The following GRAMD2B variants were observed in gnomAD, a reference collection of about 807,000 sequenced individuals.
The protein encoded by GRAMD2B is GRAM domain-containing protein 2B.
A neutral mutation model predicts 59.2 loss-of-function variants in GRAMD2B; 41 were observed. The ratio of observed to expected loss-of-function variants is 0.69; its 90% confidence interval spans 0.54 to 0.90. The LOEUF is 0.90. GRAMD2B is among the 40% of genes least tolerant of loss of function. The pLI is 0.00. For missense variants in GRAMD2B, 424 were observed against 500.5 expected, an observed-to-expected ratio of 0.85 and a Z score of 1.46; for synonymous variants, 161 against 182.7, an observed-to-expected ratio of 0.88 and a Z score of 0.96.
At chr5:126,453,331 T>C (rs1765700198) in intron 1 of GRAMD2B, among the ~76,000 whole-genome samples, 1 of 127,900 alleles carries the variant, frequency 7.8e-6, no homozygotes, top group African/African-American at 3.0e-5. Context: ...CAAGACTCCA[T>C]CTTCTCCATC....
At chr5:126,491,068 T>A (rs1773839168) in intron 13 of GRAMD2B, among the ~76,000 whole-genome samples, 1 of 152,184 alleles carries the variant, frequency 6.6e-6, no homozygotes, top group Non-Finnish European at 1.5e-5. Context: ...TGTATTTTCC[T>A]AATTATTACT....
chr5:126,414,154 A>C (rs965961563), intron 1 of GRAMD2B, among the ~76,000 whole-genome samples: 1 of 152,172 alleles, frequency 6.6e-6, no homozygotes, highest in Non-Finnish European at 1.5e-5. Context: ...CTAAGAAGCC[A>C]GGAATCAAGA....
chr5:126,492,695 T>G (rs573761509), intron 13 of GRAMD2B, among the ~76,000 whole-genome samples: 82 of 152,282 alleles, frequency 5.4e-4, no homozygotes, highest in African/African-American at 1.9e-3. Flanking sequence ...CATTCCAGCC[T>G]GGGTGACAGA....
intron 10 of GRAMD2B, among the ~76,000 whole-genome samples, chr5:126,485,319 C>T (rs1256400856): frequency 6.6e-6 from 1 of 152,126 alleles, no homozygotes; most frequent in African/African-American, 2.4e-5. Context: ...CCACTGTCAC[C>T]TGGGCAACAG....
chr5:126,390,447 A>T (rs1580751442), intron 1 of GRAMD2B, among the ~76,000 whole-genome samples: 1 of 152,360 alleles, frequency 6.6e-6, no homozygotes, highest in East Asian at 1.9e-4. Flanking sequence ...GATAAATAAT[A>T]ATCACACATC....
At chr5:126,457,866 T>C (rs1048190671) in intron 1 of GRAMD2B, among the ~76,000 whole-genome samples, 1 of 152,076 alleles carries the variant, frequency 6.6e-6, no homozygotes, top group African/African-American at 2.4e-5. Flanking sequence ...TGCAAGGATT[T>C]GGACTCTGAA....
At chr5:126,403,999 G>A (rs1350962320) in intron 1 of GRAMD2B, among the ~76,000 whole-genome samples, 4 of 151,850 alleles carry the variant, frequency 2.6e-5, no homozygotes, top group Non-Finnish European at 5.9e-5. Context: ...TGCCAAAAAA[G>A]GATGGAATGC....
At chr5:126,434,537 A>AGAT (rs1040108261) in intron 1 of GRAMD2B, among the ~76,000 whole-genome samples, 3 of 142,200 alleles carry the variant, frequency 2.1e-5, no homozygotes, top group African/African-American at 9.0e-5. Context: ...TTTTTTTTTG[A>AGAT]GATGGAGTCT....
chr5:126,397,977 A>G (rs1381073492), intron 1 of GRAMD2B, among the ~76,000 whole-genome samples: 3 of 146,388 alleles, frequency 2.0e-5, no homozygotes, highest in Admixed American at 2.0e-4. Context: ...AGAATTACCT[A>G]TGAAGTCATT....
intron 1 of GRAMD2B, chr5:126,464,998 AT>A (rs2126779421): frequency 1.1e-6 from 1 of 945,008 alleles, no homozygotes; most frequent in African/African-American, 1.8e-5. Context: ...TGTAAGTGAC[AT>A]AAGAGAAATG....
At chr5:126,408,419 A>G (rs1053759792) in intron 1 of GRAMD2B, among the ~76,000 whole-genome samples, 5 of 151,882 alleles carry the variant, frequency 3.3e-5, no homozygotes, top group East Asian at 3.9e-4. Flanking sequence ...ATACAAGTGC[A>G]TGTGTCTTTT....
intron 11 of GRAMD2B, among the ~76,000 whole-genome samples, chr5:126,486,515 G>A (rs1000116602): frequency 1.3e-5 from 2 of 152,182 alleles, no homozygotes; most frequent in East Asian, 1.9e-4. Flanking sequence ...ATAAAGGAGG[G>A]AGTCACCAGA....
At chr5:126,366,321 T>C (rs1754435279), upstream of GRAMD2B, among the ~76,000 whole-genome samples, 1 of 152,236 alleles carries the variant, frequency 6.6e-6, no homozygotes. Flanking sequence ...AGACTGTCAA[T>C]GCTTGCCCTC....
At chr5:126,435,947 C>A (rs538202746) in intron 1 of GRAMD2B, among the ~76,000 whole-genome samples, 38 of 152,292 alleles carry the variant, frequency 2.5e-4, no homozygotes, top group African/African-American at 8.9e-4. Flanking sequence ...ATCAGACAAC[C>A]CTGCTTTGCC....
chr5:126,467,331 T>C (rs949183961), intron 2 of GRAMD2B: 5 of 152,090 alleles, frequency 3.3e-5, no homozygotes, highest in Admixed American at 2.0e-4. Context: ...ATAATTTTTA[T>C]ATAAAGGACC....
chr5:126,378,601 T>C (rs538328084), intron 1 of GRAMD2B, among the ~76,000 whole-genome samples: 2 of 152,320 alleles, frequency 1.3e-5, no homozygotes, highest in East Asian at 3.9e-4. Flanking sequence ...ATCTGTTTTT[T>C]CTATTCGTAG....
At chr5:126,492,178 AAAT>A (rs1440157059) in intron 13 of GRAMD2B, among the ~76,000 whole-genome samples, 2 of 152,214 alleles carry the variant, frequency 1.3e-5, no homozygotes, top group Non-Finnish European at 2.9e-5. Context: ...TGGAAATGTT[AAAT>A]AATAATATCT....
chr5:126,379,495 T>C (rs1334010863), intron 1 of GRAMD2B, among the ~76,000 whole-genome samples: 1 of 152,198 alleles, frequency 6.6e-6, no homozygotes, highest in African/African-American at 2.4e-5. Flanking sequence ...TTTGCCATAG[T>C]GGTGGTACTG....
At chr5:126,435,389 A>T (rs2149812854) in intron 1 of GRAMD2B, among the ~76,000 whole-genome samples, 1 of 152,262 alleles carries the variant, frequency 6.6e-6, no homozygotes, top group South Asian at 2.1e-4. Flanking sequence ...CAAGGATAGG[A>T]TACTTGAAAG....
Sources: allele counts gnomAD v4.1 joint callset (sites outside exome capture counted in the v4.1 genomes callset), GRCh38; gene constraint gnomAD v4.1.1; transcripts MANE v1.5; gene names NCBI Gene and HGNC (gene_info 2026-07-23, HGNC 2026-07-21).